PTPRN2: variants seen among roughly 807,000 people sequenced by gnomAD.
PTPRN2 encodes the protein receptor-type tyrosine-protein phosphatase N2.
Under a neutral mutation model 118.8 loss-of-function variants are expected in PTPRN2, and 74 were observed. The observed-to-expected ratio is 0.62, with a 90% CI of 0.52 to 0.76. The LOEUF (loss-of-function observed/expected upper bound fraction) is 0.76. Ranked by LOEUF, PTPRN2 falls within the 30% of genes least tolerant of loss-of-function variation. The pLI is 0.00. For missense variants in PTPRN2, 1,481 were observed against 1,394.4 expected, an observed-to-expected ratio of 1.06 and a Z score of -0.99; for synonymous variants, 641 against 608.0, an observed-to-expected ratio of 1.05 and a Z score of -0.80.
At chr7:157,848,370 G>A (rs1296979094) in intron 12 of PTPRN2, among the ~76,000 whole-genome samples, 1 of 149,212 alleles carries the variant, frequency 6.7e-6, no homozygotes, top group Non-Finnish European at 1.5e-5. Context: ...TGTTTACAGA[G>A]CCCTCTTTCA....
intron 2 of PTPRN2, among the ~76,000 whole-genome samples, chr7:158,328,805 G>A (rs113204807): frequency 1.7e-4 from 11 of 66,334 alleles, no homozygotes; most frequent in South Asian, 5.1e-4. Context: ...CCCCCCCCCC[G>A]CCACCCAGGG....
In PTPRN2 at chr7:157,622,970, A is replaced by T. The variant is rs1041962959; in HGVS notation, c.2197-1461T>A. Among the ~76,000 whole-genome samples the T allele has an allele frequency of 5.9e-5, 9 of 152,140 alleles. No homozygotes were observed. The highest frequency in any genetic ancestry group is 2.2e-4 in the African/African-American group (9 of 41,420). On this transcript the variant is annotated intron_variant, in intron 14 of 22. Coordinates refer to ENST00000389418, the MANE Select transcript of PTPRN2 (RefSeq NM_002847.5). This position sits in a 1 kb window ranked among gnomAD's most constrained non-coding sequence, Gnocchi z 5.3. ...TCAGGGCTGCTCTGAGCCAAAGCGA[A>T]CGAGTTCATCTACTCCCGTCACCAG... is the stretch of plus-strand genomic sequence containing the variant.
At chr7:157,871,002 G>A (rs778644729) in intron 12 of PTPRN2, among the ~76,000 whole-genome samples, 5 of 152,204 alleles carry the variant, frequency 3.3e-5, no homozygotes, top group Non-Finnish European at 5.9e-5. Context: ...AAATGTCCCC[G>A]ACCTGAAGGC....
chr7:158,194,617 G>A lies in PTPRN2; in HGVS notation c.381-2122C>T, dbSNP rs78234061. On this transcript the variant is annotated intron_variant, in intron 4 of 22. Transcript: ENST00000389418. ...CCCTCATAACAGGCTTTACAGGTGC[G>A]GTCAGCTGCCATCTGCTTCTCTCAG... is the stretch of plus-strand genomic sequence containing the variant. Among the ~76,000 whole-genome samples the A allele has an allele frequency of 8.1e-4, 124 of 152,332 alleles. 4 individuals are homozygous for A. In the East Asian group the frequency reaches 0.022, roughly 27 times the overall value.
chr7:158,002,172 GGC>G (rs1255308422), intron 11 of PTPRN2, among the ~76,000 whole-genome samples: 2 of 152,196 alleles, frequency 1.3e-5, no homozygotes, highest in Non-Finnish European at 2.9e-5. Context: ...GCAAAGCGGG[GGC>G]TTGAGGCAAG....
intron 12 of PTPRN2, among the ~76,000 whole-genome samples, chr7:157,842,740 C>T (rs562178958): frequency 2.0e-5 from 3 of 152,244 alleles, no homozygotes; most frequent in South Asian, 4.1e-4. Context: ...CCCCTGTCTC[C>T]GCCACAGTGC....
intron 11 of PTPRN2, among the ~76,000 whole-genome samples, chr7:158,018,203 G>A (rs1201016254): frequency 2.0e-5 from 3 of 152,160 alleles, no homozygotes; most frequent in Non-Finnish European, 2.9e-5. Flanking sequence ...GGCCACATGC[G>A]CTGCTGAAGT....
intron 12 of PTPRN2, among the ~76,000 whole-genome samples, chr7:157,757,100 GTT>G (rs1554436636): frequency 6.6e-6 from 1 of 151,648 alleles, no homozygotes; most frequent in African/African-American, 2.4e-5. Flanking sequence ...CAAGATAAAA[GTT>G]TTTTTTTAAA....
intron 6 of PTPRN2, among the ~76,000 whole-genome samples, chr7:158,145,822 T>A (rs753471030): frequency 1.3e-5 from 2 of 152,180 alleles, no homozygotes; most frequent in Non-Finnish European, 2.9e-5. Context: ...TGCCCTGCCC[T>A]GGGGGATGCC....
At chr7:158,221,406 A>G (rs1828358332) in intron 3 of PTPRN2, among the ~76,000 whole-genome samples, 1 of 152,206 alleles carries the variant, frequency 6.6e-6, no homozygotes, top group African/African-American at 2.4e-5. Flanking sequence ...AACAAAAGCA[A>G]CTATTAACAG....
chr7:157,886,331 T>C (rs930646637), intron 12 of PTPRN2, among the ~76,000 whole-genome samples: 4 of 152,074 alleles, frequency 2.6e-5, no homozygotes, highest in Non-Finnish European at 2.9e-5. Context: ...CATATTTTTA[T>C]AAAAATGCAG....
In PTPRN2 at chr7:158,110,885, C is replaced by T; in HGVS notation, c.1587G>A (p.Leu529=). 1 of 1,582,718 alleles carries T rather than the reference C, an allele frequency of 6.3e-7. No individual in the cohort carries two copies. The highest frequency in any genetic ancestry group is 1.2e-5 in the South Asian group (1 of 86,752). ...GCAGGAGGCGGGCGACGTCCTCCAC[C>T]AGCCGCCTTCCTTCCTCGGGGCGCA... ...DPLRPEEGRR[L]VEDVARLLQV... Residue 529 remains leucine, a synonymous_variant, in exon 10 of 23, where the codon CTG becomes CTA. Transcript: ENST00000389418.
chr7:158,007,083 C>T (rs1019747125), intron 11 of PTPRN2, among the ~76,000 whole-genome samples: 3 of 152,206 alleles, frequency 2.0e-5, no homozygotes, highest in Non-Finnish European at 2.9e-5. Flanking sequence ...TGTGTCCTCA[C>T]GTGGCTTCTT....
chr7:157,559,692 C>T (rs189858717), intron 21 of PTPRN2, among the ~76,000 whole-genome samples: 230 of 152,274 alleles, frequency 1.5e-3, no homozygotes, highest in African/African-American at 4.1e-3. Flanking sequence ...GTGTCTCCAA[C>T]GGGAACCTTG....
chr7:158,586,376 AG>A (rs1251240273), intron 1 of PTPRN2, among the ~76,000 whole-genome samples: 1 of 152,240 alleles, frequency 6.6e-6, no homozygotes, highest in East Asian at 1.9e-4. Flanking sequence ...AGAAGGGCCT[AG>A]AGGCCGAGAG....
intron 11 of PTPRN2, among the ~76,000 whole-genome samples, chr7:158,064,611 C>T (rs1470410340): frequency 2.6e-5 from 4 of 152,220 alleles, no homozygotes; most frequent in African/African-American, 9.6e-5. Flanking sequence ...ACGCCAAGGA[C>T]TCCTTCCTCC....
intron 10 of PTPRN2, among the ~76,000 whole-genome samples, chr7:158,100,386 G>A (rs761091174): frequency 1.6e-4 from 25 of 152,000 alleles, no homozygotes; most frequent in African/African-American, 5.3e-4. Flanking sequence ...TATCTTTCTC[G>A]TATAATGACT....
intron 12 of PTPRN2, among the ~76,000 whole-genome samples, chr7:157,802,172 C>T (rs1249543559): frequency 6.6e-6 from 1 of 152,216 alleles, no homozygotes; most frequent in Non-Finnish European, 1.5e-5. Flanking sequence ...AACCGTACGG[C>T]AGATGTCGAG....
At chr7:157,935,180 C>T (rs1329006202) in intron 11 of PTPRN2, among the ~76,000 whole-genome samples, 1 of 152,144 alleles carries the variant, frequency 6.6e-6, no homozygotes, top group East Asian at 1.9e-4. Context: ...TTCTTTTTCA[C>T]CAGGTGGAGG....
Sources: gnomAD v4.1 joint callset for allele counts (sites outside exome capture counted in the v4.1 genomes callset) on GRCh38, gnomAD v4.1.1 for gene constraint, Gnocchi (gnomAD v3.1) non-coding constraint, MANE v1.5 for transcripts, NCBI Gene and HGNC (gene_info 2026-07-23, HGNC 2026-07-21) for gene names.